Variants in PHTF2 observed in about 807,000 individuals in gnomAD.
PHTF2 encodes protein PHTF2.
Under a neutral mutation model 101.2 loss-of-function variants are expected in PHTF2, and 60 were observed. The observed-to-expected ratio is 0.59, with a 90% CI of 0.48 to 0.73. The LOEUF is 0.73. Among genes scored for constraint, PHTF2 ranks in the 30% least tolerant of loss-of-function variants. PHTF2 has a pLI of 0.00. For missense variants in PHTF2, 747 were observed against 908.7 expected, an observed-to-expected ratio of 0.82 and a Z score of 2.29; for synonymous variants, 311 against 307.3, an observed-to-expected ratio of 1.01 and a Z score of -0.13.
exon 20 of PHTF2, chr7:77,954,900 T>A: frequency 7.2e-7 from 1 of 1,397,798 alleles, no homozygotes; most frequent in Non-Finnish European, 1.0e-6. Context: ...AAAGAAGATG[T>A]AGCCTCTTTT....
chr7:77,844,235 C>G (rs907696722), intron 2 of PHTF2, among the ~76,000 whole-genome samples: 1 of 152,106 alleles, frequency 6.6e-6, no homozygotes, highest in Non-Finnish European at 1.5e-5. Flanking sequence ...CTCAAGCGAT[C>G]CTCCTGCCTT....
chr7:77,919,614 T>G (rs1332598973), intron 9 of PHTF2, among the ~76,000 whole-genome samples: 2 of 152,068 alleles, frequency 1.3e-5, no homozygotes, highest in African/African-American at 2.4e-5. Context: ...TTTTATGTGT[T>G]GAAAAAAAAA....
intron 14 of PHTF2, 84 bp downstream of exon 13, chr7:77,940,386 A>C: frequency 7.5e-7 from 1 of 1,326,728 alleles, no homozygotes; most frequent in South Asian, 1.5e-5. Context: ...TTATTATTTC[A>C]TTATATCATT....
intron 12 of PHTF2, among the ~76,000 whole-genome samples, chr7:77,937,425 G>A (rs887040402): frequency 6.6e-6 from 1 of 152,112 alleles, no homozygotes; most frequent in Non-Finnish European, 1.5e-5. Flanking sequence ...TTCTCAACTT[G>A]TACAGTTTCA....
intron 1 of PHTF2, among the ~76,000 whole-genome samples, chr7:77,808,750 C>G (rs189476085): frequency 6.6e-6 from 1 of 152,306 alleles, no homozygotes; most frequent in East Asian, 1.9e-4. Context: ...AGGGGTACTT[C>G]TGGTCTTTGG....
intron 1 of PHTF2, among the ~76,000 whole-genome samples, chr7:77,820,898 TTTCTC>T (rs1029155005): frequency 1.2e-3 from 180 of 152,322 alleles, no homozygotes; most frequent in African/African-American, 4.2e-3. Flanking sequence ...ATTTGGTTCT[TTTCTC>T]TTTCTTCTTT....
intron 9 of PHTF2, among the ~76,000 whole-genome samples, chr7:77,915,414 T>C (rs1211224601): frequency 2.0e-5 from 3 of 151,994 alleles, no homozygotes; most frequent in African/African-American, 7.3e-5. Flanking sequence ...GGTTTCACCA[T>C]GTTGGCCAGG....
intron 3 of PHTF2, among the ~76,000 whole-genome samples, chr7:77,891,791 G>T (rs1419492167): frequency 6.6e-6 from 1 of 151,906 alleles, no homozygotes; most frequent in Non-Finnish European, 1.5e-5. Flanking sequence ...TCACTACATT[G>T]CCAAGATTGG....
chr7:77,864,675 C>CA (rs1797910862), intron 3 of PHTF2, among the ~76,000 whole-genome samples: 1 of 152,024 alleles, frequency 6.6e-6, no homozygotes, highest in Non-Finnish European at 1.5e-5. Flanking sequence ...ATCTTCCCCT[C>CA]ACGGATATCT....
At chr7:77,825,054 C>T (rs2150531294) in intron 1 of PHTF2, among the ~76,000 whole-genome samples, 1 of 151,936 alleles carries the variant, frequency 6.6e-6, no homozygotes, top group East Asian at 1.9e-4. Context: ...ACAACAACAA[C>T]AATAATATAA....
At chr7:77,809,510 A>C (rs1208034078) in intron 1 of PHTF2, among the ~76,000 whole-genome samples, 1 of 152,162 alleles carries the variant, frequency 6.6e-6, no homozygotes, top group African/African-American at 2.4e-5. Context: ...TATAGGCATG[A>C]GCCACTGGGC....
intron 3 of PHTF2, among the ~76,000 whole-genome samples, chr7:77,881,086 C>A (rs1251772173): frequency 2.0e-5 from 3 of 152,114 alleles, no homozygotes; most frequent in African/African-American, 7.2e-5. Context: ...CCCAAACTCC[C>A]CAGCTTCCAA....
chr7:77,934,605 A>ATGC (rs1304114236), intron 12 of PHTF2, among the ~76,000 whole-genome samples: 3 of 152,224 alleles, frequency 2.0e-5, no homozygotes, highest in Non-Finnish European at 2.9e-5. Context: ...TGGATCTGTG[A>ATGC]TGCTGTCTTC....
At chr7:77,822,981 C>T (rs1192365786) in intron 1 of PHTF2, among the ~76,000 whole-genome samples, 2 of 149,284 alleles carry the variant, frequency 1.3e-5, no homozygotes, top group Non-Finnish European at 3.0e-5. Flanking sequence ...CTCGGCTCAC[C>T]GCAAGCTCCG....
At chr7:77,802,733 G>A (rs1362050503) in intron 1 of PHTF2, among the ~76,000 whole-genome samples, 5 of 152,040 alleles carry the variant, frequency 3.3e-5, no homozygotes, top group African/African-American at 1.2e-4. Context: ...GTACATACAG[G>A]GTCTTGCTAT....
chr7:77,872,952 A>G (rs1017225122), intron 3 of PHTF2, among the ~76,000 whole-genome samples: 1 of 150,864 alleles, frequency 6.6e-6, no homozygotes, highest in Non-Finnish European at 1.5e-5. Flanking sequence ...TTTTTTGGAG[A>G]CAGAGTCTTG....
intron 3 of PHTF2, among the ~76,000 whole-genome samples, chr7:77,863,661 T>A (rs1237752700): frequency 1.3e-5 from 2 of 152,190 alleles, no homozygotes; most frequent in Non-Finnish European, 2.9e-5. Context: ...AAGACTTTTT[T>A]TTTTTTAACC....
intron 1 of PHTF2, among the ~76,000 whole-genome samples, chr7:77,802,873 T>C (rs954193442): frequency 9.9e-5 from 15 of 152,178 alleles, no homozygotes; most frequent in African/African-American, 3.6e-4. Context: ...TCTGAGAAAG[T>C]CTCGTGCTTC....
At position 77,923,026 on chromosome 7, in the gene PHTF2, G is replaced by T. The variant is rs955158417; in HGVS notation, c.1119+248G>T. 3 of 1,144,260 alleles carry T rather than the reference G, an allele frequency of 2.6e-6. No homozygotes were observed. In the African/African-American group the frequency reaches 4.8e-5, roughly 18 times the overall value. 70.9% of individuals were successfully genotyped at this position (1,144,260 alleles called of 1,614,324 possible). A position where few individuals can be genotyped will look rare whatever the true frequency, so the allele number is the denominator to read the frequency against. ...TTTGAAGACTCATACATTGTTTGTT[G>T]TTTGCTTTTAAAGAAGAACATTCTG... On this transcript the variant is annotated intron_variant, in intron 11 of 19. Transcript: ENST00000416283.
Sources: gnomAD v4.1 joint callset for allele counts (sites outside exome capture counted in the v4.1 genomes callset) on GRCh38, gnomAD v4.1.1 for gene constraint, MANE v1.5 for transcripts, NCBI Gene and HGNC (gene_info 2026-07-23, HGNC 2026-07-21) for gene names.